The following SART3 variants were observed in gnomAD, a reference collection of about 807,000 sequenced individuals.
SART3 encodes the protein HIV-1 Tat-interacting protein of 110kDa.
SART3 carries 44 observed loss-of-function variants against 122.3 expected under a neutral mutation model. That is an observed-to-expected ratio of 0.36 (90% CI 0.28 to 0.46). The LOEUF is 0.46. SART3 is among the 20% of genes least tolerant of loss of function. The pLI, the probability that SART3 is intolerant of heterozygous loss-of-function variation, is 1.00. For synonymous variants in SART3, 442 were observed against 454.0 expected (o/e 0.97, Z 0.34); for missense variants, 1,101 against 1,229.0 (o/e 0.90, Z 1.56).
chr12:108,549,437 C>T, intron 1 of SART3: 1 of 520,270 alleles, frequency 1.9e-6, no homozygotes, highest in African/African-American at 1.9e-5. Flanking sequence ...GTTACAGTTC[C>T]TGTTAGAAGA....
chr12:108,541,998 CTTTTTTTTTTT>C (rs55746158), intron 6 of SART3, among the ~76,000 whole-genome samples: 3 of 68,104 alleles, frequency 4.4e-5, no homozygotes, highest in Admixed American at 4.2e-4. Context: ...CCAAGCCCGG[CTTTTTTTTTTT>C]TTTTTTTTTT....
chr12:108,527,081 T>C (rs1293824485), intron 15 of SART3, among the ~76,000 whole-genome samples: 2 of 152,196 alleles, frequency 1.3e-5, no homozygotes, highest in East Asian at 1.9e-4. Context: ...CACCACTGCC[T>C]CCAGAGGGCC....
chr12:108,555,577 A>T (rs940078946), intron 1 of SART3, among the ~76,000 whole-genome samples: 3 of 152,212 alleles, frequency 2.0e-5, no homozygotes, highest in African/African-American at 7.2e-5. Context: ...AGGTGAAAGG[A>T]TCGCTTCAGC....
In SART3 at chr12:108,544,823, C is replaced by T. The variant is rs138085945; in HGVS notation, c.729+316G>A. The T allele has an allele frequency of 1.5e-4, 87 of 568,506 alleles. 1 individual carries two copies. The East Asian group carries it at 2.6e-3, about 17-fold the overall frequency. The allele number at this position is 568,506 out of a possible 1,614,324, so 35.2% of individuals were successfully genotyped here. A position where few individuals can be genotyped will look rare whatever the true frequency, so the allele number is the denominator to read the frequency against. On this transcript the variant is annotated intron_variant, in intron 4 of 18. Transcript: ENST00000546815. ...CAAGTGATCCTCTGGCCTCAGCCTC[C>T]CAAACTGCTGGAATTACAAGCATGA... is the stretch of plus-strand genomic sequence containing the variant.
Position 108,538,165 on chromosome 12 carries a change from T to C in SART3, c.1101A>G (p.Val367=), listed in dbSNP as rs1436781729. Reference sequence around the variant, plus strand: ...GGCAGTTTCTAATAGCGCGGTTATGTACAGATAAAACCAAATCCTTTACTT... The same window carrying C: ...GGCAGTTTCTAATAGCGCGGTTATGCACAGATAAAACCAAATCCTTTACTT... ...QLKVKDLVLS[V]HNRAIRNCPW... The change falls in exon 8 of 19, where the codon GTA becomes GTG. Residue 367 remains valine, a synonymous_variant. Coordinates refer to ENST00000546815, the MANE Select transcript of SART3 (RefSeq NM_014706.4). 1 of 1,614,076 alleles carries C rather than the reference T, an allele frequency of 6.2e-7. No homozygotes were observed. Among genetic ancestry groups the C allele is most frequent in the African/African-American group, 1.3e-5 (1 of 74,932 alleles).
chr12:108,556,399 G>C (rs1279144060), intron 1 of SART3, among the ~76,000 whole-genome samples: 2 of 152,198 alleles, frequency 1.3e-5, no homozygotes, highest in Non-Finnish European at 2.9e-5. Flanking sequence ...CATCTGGTGA[G>C]AAACTCTTGT....
At position 108,523,550 on chromosome 12, in the gene SART3, G is replaced by A; in HGVS notation, c.2799C>T (p.Gly933=). The change falls in exon 19 of 19, where the codon GGC becomes GGT. Residue 933 remains glycine, a synonymous_variant. Transcript: ENST00000546815. ...PSAAAPQAEN[G]PAAAPAVAAP... ...CGGCAACTGCAGGAGCCGCGGCAGG[G>A]CCGTTCTCAGCCTGAGGAGCTGCAG... 1.2e-6 allele frequency: 2 copies of A among 1,614,020 alleles called. No individual in the cohort carries two copies. Among genetic ancestry groups the A allele is most frequent in the East Asian group, 2.2e-5 (1 of 44,874 alleles).
In SART3 at chr12:108,561,079, C is replaced by T. The variant is rs1181692792; in HGVS notation, c.76G>A (p.Glu26Lys). ...SKAGPKADGE[E>K]DEVKAARTRR... ...GTCCTAGCCGCCTTAACCTCATCCT[C>T]CTCTCCGTCAGCCTTGGGCCCAGCC... Residue 26 changes from glutamate (E) to lysine (K), a missense_variant, in exon 1 of 19, where the codon GAG (glutamate) becomes AAG (lysine). Physicochemically the swap from Glu to Lys is moderately conservative, Grantham distance 56. Transcript: ENST00000546815. The T allele has an allele frequency of 3.7e-6, 6 of 1,614,178 alleles. No homozygotes were observed. In the South Asian group the frequency reaches 4.4e-5, roughly 12 times the overall value.
At position 108,536,572 on chromosome 12, in the gene SART3, C is replaced by T; in HGVS notation, c.1388G>A (p.Arg463His). The T allele has an allele frequency of 1.9e-6, 3 of 1,614,122 alleles. No individual in the cohort carries two copies. Among genetic ancestry groups the T allele is most frequent in the Non-Finnish European group, 2.5e-6 (3 of 1,179,998 alleles). ...GCTTGGATCACCACTCTCATTGAAA[C>T]CTTCAAAAACAGAATTAGTAAAATT... Reference protein sequence around the residue: ...LEYLKQEVEERFNESGDPSCV... With the variant: ...LEYLKQEVEEHFNESGDPSCV... The change falls in exon 11 of 19, where the codon CGT (arginine) becomes CAT (histidine). Residue 463 changes from arginine to histidine, a missense_variant and splice_region_variant. Physicochemically the swap from Arg to His is conservative, Grantham distance 29. Transcript: ENST00000546815.
intron 1 of SART3, chr12:108,549,457 T>G (rs1253456267): frequency 6.3e-6 from 3 of 479,130 alleles, no homozygotes; most frequent in Non-Finnish European, 1.1e-5. Flanking sequence ...ACATTTGGGT[T>G]CTCTTGGAAA....
intron 1 of SART3, among the ~76,000 whole-genome samples, chr12:108,551,315 A>C (rs910179822): frequency 6.6e-5 from 10 of 152,234 alleles, no homozygotes; most frequent in African/African-American, 1.9e-4. Flanking sequence ...AATGTGTAGG[A>C]ACCAAAGAGC....
chr12:108,530,228 G>C lies in SART3; in HGVS notation c.1829C>G (p.Ala610Gly), dbSNP rs202055950. The C allele has an allele frequency of 1.2e-6, 2 of 1,613,928 alleles. No individual in the cohort carries two copies. Among genetic ancestry groups the C allele is most frequent in the Admixed American group, 3.3e-5 (2 of 60,008 alleles). ...QRKRARAEKK[A>G]LKKKKKIRGP... The stretch of plus-strand genomic sequence containing the variant: ...TCTGATCTTTTTCTTCTTTTTTAAC[G>C]CTTTCTTCTCAGCCCGAGCTCTTTT... Residue 610 changes from alanine to glycine, a missense_variant, in exon 15 of 19, where the codon GCG becomes GGG. Physicochemically the swap from Ala to Gly is moderately conservative, Grantham distance 60. Coordinates refer to ENST00000546815, the MANE Select transcript of SART3 (RefSeq NM_014706.4).
Position 108,545,209 on chromosome 12 carries a change from T to C in SART3, c.659A>G (p.His220Arg). 6.2e-7 allele frequency: 1 copy of C among 1,614,148 alleles called. No homozygotes were observed. The highest frequency in any genetic ancestry group is 8.5e-7 in the Non-Finnish European group (1 of 1,180,026). The stretch of plus-strand genomic sequence containing the variant: ...CCAGAGGGCGAGTCCTTTGGTCATA[T>C]GTAAACCAACAGACGAGAGAGCCCT... ...FERALSSVGL[H>R]MTKGLALWEA... The change falls in exon 4 of 19, where the codon CAT becomes CGT. Residue 220 changes from histidine (H) to arginine (R), a missense_variant. By Grantham distance (29) the His-to-Arg change is conservative. Transcript: ENST00000546815.
In SART3 at chr12:108,523,567, G is replaced by A. The variant is rs755444160; in HGVS notation, c.2782C>T (p.Pro928Ser). ...GCGGCAGGGCCGTTCTCAGCCTGAG[G>A]AGCTGCAGCACTTGGGCGCTGCAGG... The part of the protein sequence containing the change: ...RALQRPSAAA[P>S]QAENGPAAAP... The change falls in exon 19 of 19, where the codon CCT becomes TCT. Residue 928 changes from proline (P) to serine (S), a missense_variant. Coordinates refer to ENST00000546815, the MANE Select transcript of SART3 (RefSeq NM_014706.4). 1.9e-6 allele frequency: 3 copies of A among 1,614,128 alleles called. No individual in the cohort carries two copies. The highest frequency in any genetic ancestry group is 2.5e-6 in the Non-Finnish European group (3 of 1,180,026).
At chr12:108,554,940 AGCAAT>A (rs2030154401) in intron 1 of SART3, among the ~76,000 whole-genome samples, 1 of 152,182 alleles carries the variant, frequency 6.6e-6, no homozygotes, top group Non-Finnish European at 1.5e-5. Flanking sequence ...AAGCAATAAG[AGCAAT>A]GTATAAAAAT....
rs1341303726 is a variant in SART3, at chr12:108,523,069, G to T, written c.*388C>A. On this transcript the variant is annotated 3_prime_UTR_variant, in exon 19 of 19. Transcript: ENST00000546815. ...TCTTTTAAAATTAAAAGAATGACGG[G>T]CACATGTGCTGTGCAGGGTGGAAGA... 4.3e-6 allele frequency: 1 copy of T among 231,978 alleles called. No individual in the cohort carries two copies. The highest frequency in any genetic ancestry group is 8.5e-6 in the Non-Finnish European group (1 of 117,350). 14.4% of individuals were successfully genotyped at this position (231,978 alleles called of 1,614,324 possible). A position where few individuals can be genotyped will look rare whatever the true frequency, so the allele number is the denominator to read the frequency against.
rs2029888690 is a variant in SART3, at chr12:108,549,104, G to C, written c.423C>G (p.Ile141Met). 8.7e-6 allele frequency: 14 copies of C among 1,614,004 alleles called. No individual in the cohort carries two copies. Among genetic ancestry groups the C allele is most frequent in the African/African-American group, 1.3e-5 (1 of 74,912 alleles). Residue 141 changes from isoleucine to methionine, a missense_variant, in exon 2 of 19, where the codon ATC becomes ATG. Coordinates refer to ENST00000546815, the MANE Select transcript of SART3 (RefSeq NM_014706.4). ...VRMARQKMSE[I>M]FPLTEELWLE... ...GAAGCTTACCTTCAGTCAAGGGAAA[G>C]ATTTCACTCATCTTCTGGCGGGCCA...
intron 15 of SART3, 125 bp from the exon 16 acceptor site, chr12:108,526,678 G>T: frequency 9.8e-7 from 1 of 1,020,270 alleles, no homozygotes; most frequent in Non-Finnish European, 1.5e-6. Context: ...CACCAGACTC[G>T]GAGGGGCAAG....
Position 108,549,074 on chromosome 12 carries a change from C to A in SART3, c.439+14G>T. On this transcript the variant is annotated intron_variant, in intron 2 of 18. Coordinates refer to ENST00000546815, the MANE Select transcript of SART3 (RefSeq NM_014706.4). ...GTTTCTGTTTCTAAAAGCAGCCTGA[C>A]TGCTGAAGCTTACCTTCAGTCAAGG... The A allele has an allele frequency of 6.2e-7, 1 of 1,613,984 alleles. No homozygotes were observed. Among genetic ancestry groups the A allele is most frequent in the Non-Finnish European group, 8.5e-7 (1 of 1,179,870 alleles).
Sources: allele counts gnomAD v4.1 joint callset (sites outside exome capture counted in the v4.1 genomes callset), GRCh38; gene constraint gnomAD v4.1.1; transcripts MANE v1.5; gene names NCBI Gene and HGNC (gene_info 2026-07-23, HGNC 2026-07-21).